Variants in SIGLEC7 observed in about 807,000 individuals in gnomAD.
SIGLEC7 encodes the protein sialic acid binding Ig like lectin 7.
A neutral mutation model predicts 40.8 loss-of-function variants in SIGLEC7; 33 were observed. That is an observed-to-expected ratio of 0.81 (90% CI 0.61 to 1.08). The LOEUF is 1.08. Ranked by LOEUF, SIGLEC7 falls within the 50% of genes least tolerant of loss-of-function variation. The probability of loss-of-function intolerance (pLI) is 0.00; values close to 1 mark genes in which losing one functional copy is unlikely to be tolerated. For synonymous variants in SIGLEC7, 242 were observed against 237.6 expected (o/e 1.02, Z -0.17); for missense variants, 513 against 576.1 (o/e 0.89, Z 1.12).
Position 51,151,858 on chromosome 19 carries a change from C to A in SIGLEC7, c.1222-1205C>A, listed in dbSNP as rs562250472. 3.3e-5 allele frequency among the ~76,000 whole-genome samples: 5 copies of A among 152,320 alleles called. No individual in the cohort carries two copies. The East Asian group carries it at 9.6e-4, about 29-fold the overall frequency. Reference sequence around the variant, plus strand: ...AGTAATCAAGAGAGAATCTGGCAAGCAAAATCACTGACAGTTCCATGGAGC... The same window carrying A: ...AGTAATCAAGAGAGAATCTGGCAAGAAAAATCACTGACAGTTCCATGGAGC... On this transcript the variant is annotated intron_variant, in intron 6 of 6. Transcript: ENST00000317643.
chr19:51,142,939 C>A lies in SIGLEC7; in HGVS notation c.433+137C>A. On this transcript the variant is annotated intron_variant, in intron 1 of 6. Transcript: ENST00000317643. The surrounding 1 kb of genome is among the most constrained non-coding windows in gnomAD (Gnocchi z 5.0). ...AGGAGCTGGACCAGAGCCTGAGCTT[C>A]CCCAGGACCGCACCTTGGATGCCCC... The A allele has an allele frequency of 1.0e-6, 1 of 973,234 alleles. No individual in the cohort carries two copies. Among genetic ancestry groups the A allele is most frequent in the Non-Finnish European group, 1.5e-6 (1 of 649,666 alleles). 60.3% of individuals were successfully genotyped at this position (973,234 alleles called of 1,614,324 possible). A position where few individuals can be genotyped will look rare whatever the true frequency, so the allele number is the denominator to read the frequency against.
At chr19:51,150,154 T>C (rs1383241671) in intron 6 of SIGLEC7, among the ~76,000 whole-genome samples, 3 of 152,216 alleles carry the variant, frequency 2.0e-5, no homozygotes, top group Non-Finnish European at 4.4e-5. Flanking sequence ...TCTTGCCTGA[T>C]TGCTCTGGCC....
chr19:51,143,756 C>T, intron 1 of SIGLEC7: 1 of 254,198 alleles, frequency 3.9e-6, no homozygotes, highest in Non-Finnish European at 7.9e-6. Context: ...CTCAGAGATG[C>T]TGCTGCCTCT....
chr19:51,142,978 G>A lies in SIGLEC7; in HGVS notation c.433+176G>A, dbSNP rs547163626. 3.4e-4 allele frequency among the ~76,000 whole-genome samples: 51 copies of A among 152,168 alleles called. No homozygotes were observed. The highest frequency in any genetic ancestry group is 1.2e-3 in the African/African-American group (48 of 41,544). ...CTTGGATGCCCCTCCTGATCCTGCAGGCCCCTCCCCTCACCAGCCCTGACC... is the reference window on the plus strand; with the variant it reads ...CTTGGATGCCCCTCCTGATCCTGCAAGCCCCTCCCCTCACCAGCCCTGACC... On this transcript the variant is annotated intron_variant, in intron 1 of 6. Coordinates refer to ENST00000317643, the MANE Select transcript of SIGLEC7 (RefSeq NM_014385.4). This position sits in a 1 kb window ranked among gnomAD's most constrained non-coding sequence, Gnocchi z 5.0.
At chr19:51,148,763 T>A (rs1431857634) in intron 6 of SIGLEC7, among the ~76,000 whole-genome samples, 1 of 152,232 alleles carries the variant, frequency 6.6e-6, no homozygotes, top group Non-Finnish European at 1.5e-5. Context: ...GAAATTACCA[T>A]ACTGCTTTCC....
rs2092106815 is a variant in SIGLEC7 at position 51,146,121 on chromosome 19, G to A, written c.1027G>A (p.Gly343Ser). 1.2e-6 allele frequency: 2 copies of A among 1,613,170 alleles called. No homozygotes were observed. The highest frequency in any genetic ancestry group is 2.7e-5 in the African/African-American group (2 of 75,042). Residue 343 changes from glycine to serine, a missense_variant and splice_region_variant, in exon 4 of 7, where the codon GGC becomes AGC. Coordinates refer to ENST00000317643, the MANE Select transcript of SIGLEC7 (RefSeq NM_014385.4). ...CCTCTCCCTGCAACAGGAGTACACA[G>A]GTGGGTAAGGGAGGGGCTGGAGGAG... is the stretch of plus-strand genomic sequence containing the variant. ...LNLSLQQEYT[G>S]KMRPVSGVLL...
intron 6 of SIGLEC7, among the ~76,000 whole-genome samples, chr19:51,152,169 A>T (rs2092148119): frequency 6.6e-6 from 1 of 152,104 alleles, no homozygotes; most frequent in African/African-American, 2.4e-5. Flanking sequence ...TGGCTTCTAG[A>T]GGCACCTGCA....
chr19:51,145,829 T>C lies in SIGLEC7; in HGVS notation c.761-26T>C. The C allele has an allele frequency of 6.2e-7, 1 of 1,613,424 alleles. No individual in the cohort carries two copies. The highest frequency in any genetic ancestry group is 1.1e-5 in the South Asian group (1 of 91,042). On this transcript the variant is annotated intron_variant, in intron 3 of 6. Transcript: ENST00000317643. The surrounding 1 kb of genome is among the most constrained non-coding windows in gnomAD (Gnocchi z 4.3). The stretch of plus-strand genomic sequence containing the variant: ...TCCCTGTTTCAATCACTTTGTCTCT[T>C]TGAACCTCCAACTTTTTCTCTACAG...
rs757426907 is a variant in SIGLEC7, at chr19:51,145,005, G to T, written c.760+46G>T. The T allele has an allele frequency of 6.3e-7, 1 of 1,581,132 alleles. No individual in the cohort carries two copies. The highest frequency in any genetic ancestry group is 8.7e-7 in the Non-Finnish European group (1 of 1,150,144). ...TGGGGCTGGGGGAGCAGGGCCTTCA[G>T]CTCAGGGCAGGGCCAGGTCCCTCCT... On this transcript the variant is annotated intron_variant, in intron 3 of 6. Transcript: ENST00000317643. This position sits in a 1 kb window ranked among gnomAD's most constrained non-coding sequence, Gnocchi z 4.3.
At position 51,153,115 on chromosome 19, in the gene SIGLEC7, C is replaced by T; in HGVS notation, c.1274C>T (p.Ala425Val). Reference protein sequence around the residue: ...ADDNPRHHGLAAHSSGEEREI... With the variant: ...ADDNPRHHGLVAHSSGEEREI... The stretch of plus-strand genomic sequence containing the variant: ...GATAACCCCCGACACCATGGCCTGG[C>T]TGCCCACTCCTCAGGGGAGGAAAGA... Residue 425 changes from alanine to valine, a missense_variant, in exon 7 of 7, where the codon GCT becomes GTT. By Grantham distance (64) the Ala-to-Val change is moderately conservative. Transcript: ENST00000317643. 1.2e-6 allele frequency: 2 copies of T among 1,606,282 alleles called. No homozygotes were observed. Among genetic ancestry groups the T allele is most frequent in the South Asian group, 1.1e-5 (1 of 88,674 alleles).
chr19:51,148,792 T>C (rs2092125662), intron 6 of SIGLEC7, among the ~76,000 whole-genome samples: 3 of 152,232 alleles, frequency 2.0e-5, no homozygotes, highest in African/African-American at 7.2e-5. Context: ...TGAACTAATT[T>C]ACACTCCTGC....
chr19:51,152,915 A>G (rs994433140), intron 6 of SIGLEC7, 148 bp from the exon 7 acceptor site: 6 of 519,740 alleles, frequency 1.2e-5, no homozygotes, highest in Non-Finnish European at 2.0e-5. Flanking sequence ...TATAAAATGA[A>G]CGTGGGATAG....
intron 6 of SIGLEC7, among the ~76,000 whole-genome samples, chr19:51,150,637 T>G (rs554984872): frequency 6.6e-6 from 1 of 152,232 alleles, no homozygotes; most frequent in Non-Finnish European, 1.5e-5. Context: ...AGGATGATAC[T>G]GGCCTCATAG....
chr19:51,145,780 C>T lies in SIGLEC7; in HGVS notation c.761-75C>T. ...GCCTACATCACTCTCTGTTCCATTC[C>T]CCAGTCTCATTCTGTATCCTTCCTC... On this transcript the variant is annotated intron_variant, in intron 3 of 6. Transcript: ENST00000317643. This position sits in a 1 kb window ranked among gnomAD's most constrained non-coding sequence, Gnocchi z 4.3. The T allele has an allele frequency of 6.5e-7, 1 of 1,539,342 alleles. No individual in the cohort carries two copies. Among genetic ancestry groups the T allele is most frequent in the Admixed American group, 1.7e-5 (1 of 58,552 alleles).
intron 6 of SIGLEC7, among the ~76,000 whole-genome samples, 160 bp downstream of exon 6, chr19:51,147,477 T>C (rs567669827): frequency 1.3e-5 from 2 of 152,180 alleles, no homozygotes; most frequent in Admixed American, 6.5e-5. Flanking sequence ...TCTTGCTGAC[T>C]GCATGACAGT....
At chr19:51,143,900 T>C in intron 1 of SIGLEC7, 1 of 461,174 alleles carries the variant, frequency 2.2e-6, no homozygotes, top group South Asian at 1.7e-5. Context: ...CTAGTGCGTC[T>C]CTGTGCCCTG....
intron 1 of SIGLEC7, among the ~76,000 whole-genome samples, chr19:51,143,073 T>A (rs2092080864): frequency 6.6e-6 from 1 of 152,072 alleles, no homozygotes; most frequent in South Asian, 2.1e-4. Context: ...TGACTCCTTG[T>A]TTTGGGGCCT....
intron 1 of SIGLEC7, chr19:51,144,122 T>C (rs1354102019): frequency 5.7e-6 from 4 of 698,812 alleles, no homozygotes; most frequent in African/African-American, 5.2e-5. Flanking sequence ...GAAGGGGGAT[T>C]TGAGGAACTA....
Position 51,144,566 on chromosome 19 carries a change from C to T in SIGLEC7, c.594C>T (p.Arg198=), listed in dbSNP as rs766058973. Residue 198 remains arginine (R), a synonymous_variant, in exon 2 of 7, where the codon CGC becomes CGT. Transcript: ENST00000317643. ...CCCCCCTGCACCCCTCCACCACCCG[C>T]TCCTCAGTGCTCACCCTCATCCCAC... ...SVSPLHPSTT[R]SSVLTLIPQP... is the part of the protein sequence containing the mutation. The T allele has an allele frequency of 6.2e-7, 1 of 1,613,780 alleles. No homozygotes were observed.
Sources: allele counts gnomAD v4.1 joint callset (sites outside exome capture counted in the v4.1 genomes callset), GRCh38; gene constraint gnomAD v4.1.1; non-coding constraint Gnocchi (gnomAD v3.1); transcripts MANE v1.5; gene names NCBI Gene and HGNC (gene_info 2026-07-23, HGNC 2026-07-21).